The following UNC5C variants were observed in gnomAD, a reference collection of about 807,000 sequenced individuals.
The protein encoded by UNC5C is netrin receptor UNC5C.
Under a neutral mutation model 99.8 loss-of-function variants are expected in UNC5C, and 47 were observed. The observed-to-expected ratio is 0.47, with a 90% CI of 0.37 to 0.60. The LOEUF is 0.60. Among genes scored for constraint, UNC5C ranks in the 20% least tolerant of loss-of-function variants. The pLI, the probability that UNC5C is intolerant of heterozygous loss-of-function variation, is 0.00. For missense variants in UNC5C, 1,062 were observed against 1,165.9 expected (o/e 0.91, Z 1.30); for synonymous variants, 487 against 452.2 (o/e 1.08, Z -0.98).
intron 3 of UNC5C, among the ~76,000 whole-genome samples, chr4:95,282,419 G>C (rs564130422): frequency 1.3e-5 from 2 of 152,120 alleles, no homozygotes; most frequent in Non-Finnish European, 2.9e-5. Flanking sequence ...GGGTACTGTA[G>C]GGGCGGAGGG....
At position 95,267,949 on chromosome 4, in the gene UNC5C, A is replaced by ATTTTTTTTTTTTTTTT. The variant is rs869293955; in HGVS notation, c.594+10294_594+10309dup. Among the ~76,000 whole-genome samples the ATTTTTTTTTTTTTTTT allele has an allele frequency of 1.1e-3, 125 of 117,548 alleles. 6 individuals are homozygous for ATTTTTTTTTTTTTTTT. Among genetic ancestry groups the ATTTTTTTTTTTTTTTT allele is most frequent in the African/African-American group, 3.8e-3 (112 of 29,146 alleles). 77.1% of individuals were successfully genotyped at this position (117,548 alleles called of 152,430 possible). On this transcript the variant is annotated intron_variant, in intron 4 of 15. Transcript: ENST00000453304. Reference sequence around the variant, plus strand: ...ATGATCCTGTAGGCTGAATTTTGTGATTTTTTTTTTTTTTTTTTGAGACGG... The same window carrying ATTTTTTTTTTTTTTTT: ...ATGATCCTGTAGGCTGAATTTTGTGATTTTTTTTTTTTTTTTTTTTTTTTTTTTTTTTTTGAGACGG...
intron 1 of UNC5C, among the ~76,000 whole-genome samples, chr4:95,511,153 G>A (rs1722059730): frequency 6.6e-6 from 1 of 152,180 alleles, no homozygotes; most frequent in African/African-American, 2.4e-5. Context: ...TGGCAAGGCA[G>A]ATAGTGCCAC....
chr4:95,303,212 A>T (rs2149404751), intron 2 of UNC5C, among the ~76,000 whole-genome samples: 1 of 152,316 alleles, frequency 6.6e-6, no homozygotes, highest in South Asian at 2.1e-4. Context: ...GAGCAGCTTC[A>T]TCAGTATCAC....
intron 2 of UNC5C, among the ~76,000 whole-genome samples, chr4:95,319,132 A>G (rs1162044675): frequency 2.6e-5 from 4 of 152,194 alleles, no homozygotes. Flanking sequence ...TTTACAATAA[A>G]TAACATCTCT....
chr4:95,202,411 G>T (rs1368877024), intron 12 of UNC5C, among the ~76,000 whole-genome samples: 5 of 152,170 alleles, frequency 3.3e-5, no homozygotes, highest in Non-Finnish European at 5.9e-5. Context: ...CCTTTTATAG[G>T]AAGAACGCAG....
chr4:95,383,556 TTAA>T (rs2149442796), intron 1 of UNC5C, among the ~76,000 whole-genome samples: 1 of 152,318 alleles, frequency 6.6e-6, no homozygotes, highest in African/African-American at 2.4e-5. Context: ...ATACAACAAC[TTAA>T]TGATGAATCT....
chr4:95,203,741 G>A (rs1737774544), intron 11 of UNC5C, among the ~76,000 whole-genome samples: 2 of 152,136 alleles, frequency 1.3e-5, no homozygotes, highest in African/African-American at 4.8e-5. Flanking sequence ...TGGGATTACA[G>A]GTGTGAGCCA....
At chr4:95,369,513 GC>G (rs1218769840) in intron 1 of UNC5C, among the ~76,000 whole-genome samples, 1 of 151,958 alleles carries the variant, frequency 6.6e-6, no homozygotes, top group African/African-American at 2.4e-5. Flanking sequence ...GATTGCTTGC[GC>G]CACTGCACTC....
In UNC5C at chr4:95,220,249, A is replaced by AT. The variant is rs1299875740; in HGVS notation, c.1109-74dup. ...CACAGTACACATATGTATTGCTATAATTTTTTCAGACATTTACTGCCTTTT... is the reference window on the plus strand; with the variant it reads ...CACAGTACACATATGTATTGCTATAATTTTTTTCAGACATTTACTGCCTTTT... On this transcript the variant is annotated intron_variant, in intron 7 of 15. Transcript: ENST00000453304. 2.3e-6 allele frequency: 3 copies of AT among 1,321,664 alleles called. No individual in the cohort carries two copies. In the African/African-American group the frequency reaches 4.5e-5, roughly 20 times the overall value. The allele number at this position is 1,321,664 out of a possible 1,614,324, so 81.9% of individuals were successfully genotyped here.
At chr4:95,188,409 C>T (rs1448731973) in intron 12 of UNC5C, among the ~76,000 whole-genome samples, 2 of 152,194 alleles carry the variant, frequency 1.3e-5, no homozygotes, top group Non-Finnish European at 2.9e-5. Context: ...TCCTGGGAAA[C>T]GAGTATAATC....
chr4:95,307,417 C>A (rs1044005291), intron 2 of UNC5C, among the ~76,000 whole-genome samples: 10 of 152,046 alleles, frequency 6.6e-5, no homozygotes, highest in Non-Finnish European at 1.5e-4. Flanking sequence ...AGAAACGCAA[C>A]ACTTACAGAG....
chr4:95,344,224 C>A (rs1432708952), intron 1 of UNC5C, among the ~76,000 whole-genome samples: 1 of 151,962 alleles, frequency 6.6e-6, no homozygotes, highest in Non-Finnish European at 1.5e-5. Flanking sequence ...TAAAATGGAG[C>A]TCCAGTACAC....
At chr4:95,301,834 T>C (rs1741894432) in intron 2 of UNC5C, 85 bp from the exon 3 acceptor site, 1 of 1,500,080 alleles carries the variant, frequency 6.7e-7, no homozygotes, top group African/African-American at 1.4e-5. Flanking sequence ...TTTCCCCCAG[T>C]CATCCCTTTT....
chr4:95,541,126 G>A (rs1289452568), intron 1 of UNC5C, among the ~76,000 whole-genome samples: 1 of 152,172 alleles, frequency 6.6e-6, no homozygotes, highest in Non-Finnish European at 1.5e-5. Flanking sequence ...TAAAGGTAAA[G>A]TAGTCCCCCT....
intron 1 of UNC5C, among the ~76,000 whole-genome samples, chr4:95,422,153 G>A (rs1291213821): frequency 1.3e-5 from 2 of 152,178 alleles, no homozygotes. Flanking sequence ...TAATGGAAAC[G>A]TTACTCGTTT....
chr4:95,513,290 A>G (rs1305816373), intron 1 of UNC5C, among the ~76,000 whole-genome samples: 2 of 152,218 alleles, frequency 1.3e-5, no homozygotes, highest in African/African-American at 4.8e-5. Context: ...TGGGAGCATT[A>G]GTCAGATTAA....
intron 14 of UNC5C, among the ~76,000 whole-genome samples, chr4:95,179,442 T>TATTA (rs1736512880): frequency 2.0e-5 from 3 of 152,194 alleles, no homozygotes; most frequent in South Asian, 4.2e-4. Flanking sequence ...CCTATAAATC[T>TATTA]ATTATTAAAG....
chr4:95,418,058 G>A (rs1746219374), intron 1 of UNC5C, among the ~76,000 whole-genome samples: 4 of 152,140 alleles, frequency 2.6e-5, no homozygotes, highest in Admixed American at 2.6e-4. Flanking sequence ...TCTTCCATGT[G>A]GTGTGATAGT....
chr4:95,427,247 A>T (rs1746511445), intron 1 of UNC5C, among the ~76,000 whole-genome samples: 1 of 152,196 alleles, frequency 6.6e-6, no homozygotes, highest in African/African-American at 2.4e-5. Context: ...TTTCCAGTGG[A>T]ATCTATTCCT....
Sources: gnomAD v4.1 joint callset for allele counts (sites outside exome capture counted in the v4.1 genomes callset) on GRCh38, gnomAD v4.1.1 for gene constraint, MANE v1.5 for transcripts, NCBI Gene and HGNC (gene_info 2026-07-23, HGNC 2026-07-21) for gene names.